The following DDAH1 variants were observed in gnomAD, a reference collection of about 807,000 sequenced individuals.
The protein encoded by DDAH1 is dimethylarginine dimethylaminohydrolase 1.
In DDAH1, 19 loss-of-function variants were observed where a neutral mutation model predicts 28.8. The observed-to-expected ratio is 0.66, with a 90% CI of 0.46 to 0.97. The LOEUF (loss-of-function observed/expected upper bound fraction) is 0.97, where lower values mean the gene tolerates loss of function less well. Among genes scored for constraint, DDAH1 ranks in the 50% least tolerant of loss-of-function variants. The pLI, the probability that DDAH1 is intolerant of heterozygous loss-of-function variation, is 0.00. For synonymous variants in DDAH1, 153 were observed against 154.4 expected (o/e 0.99, Z 0.07); for missense variants, 326 against 375.9 (o/e 0.87, Z 1.10).
intron 1 of DDAH1, among the ~76,000 whole-genome samples, chr1:85,554,276 G>GGT (rs1553148474): frequency 1.8e-5 from 2 of 110,726 alleles, no homozygotes; most frequent in Non-Finnish European, 3.5e-5. Context: ...AATTGTAAGA[G>GGT]TTTTTTTTTT....
rs543046031 is a variant in DDAH1, at chr1:85,319,994, T to A, written c.*1458A>T. ...AGATTTGAAGTGATACTTCTTAATC[T>A]CTTTGATTCTTAATCTTAAACAACA... On this transcript the variant is annotated 3_prime_UTR_variant, in exon 6 of 6. Coordinates refer to ENST00000284031, the MANE Select transcript of DDAH1 (RefSeq NM_012137.4). 2 of 152,216 alleles carry A rather than the reference T, an allele frequency of 1.3e-5. No homozygotes were observed. The highest frequency in any genetic ancestry group is 1.3e-4 in the Admixed American group (2 of 15,288). 9.4% of individuals were successfully genotyped at this position (152,216 alleles called of 1,614,324 possible). A position where few individuals can be genotyped will look rare whatever the true frequency, so the allele number is the denominator to read the frequency against.
chr1:85,386,942 T>C (rs540640869), intron 1 of DDAH1, among the ~76,000 whole-genome samples: 1 of 152,144 alleles, frequency 6.6e-6, no homozygotes, highest in Non-Finnish European at 1.5e-5. Context: ...AGACAGACAA[T>C]TGGAGAAATA....
intron 1 of DDAH1, among the ~76,000 whole-genome samples, chr1:85,459,134 G>A (rs1408034492): frequency 6.6e-6 from 1 of 152,192 alleles, no homozygotes; most frequent in Non-Finnish European, 1.5e-5. Flanking sequence ...AGATTTTTCT[G>A]TTTTTGTGGT....
intron 1 of DDAH1, among the ~76,000 whole-genome samples, chr1:85,566,029 C>T (rs1424737031): frequency 2.0e-5 from 3 of 150,282 alleles, no homozygotes; most frequent in African/African-American, 7.4e-5. Flanking sequence ...TGCAGTGAGT[C>T]GAGATCACAC....
At chr1:85,382,400 T>C (rs889346053) in intron 1 of DDAH1, among the ~76,000 whole-genome samples, 4 of 152,076 alleles carry the variant, frequency 2.6e-5, no homozygotes, top group Admixed American at 6.6e-5. Context: ...AGTTTAAAGG[T>C]AGCAGAGGCT....
chr1:85,424,118 A>G (rs1380329620), intron 1 of DDAH1, among the ~76,000 whole-genome samples: 1 of 152,088 alleles, frequency 6.6e-6, no homozygotes, highest in African/African-American at 2.4e-5. Context: ...CAATTTCCTA[A>G]TATTTCATTG....
chr1:85,375,332 C>T (rs575646405), intron 1 of DDAH1, among the ~76,000 whole-genome samples: 2 of 152,166 alleles, frequency 1.3e-5, no homozygotes, highest in African/African-American at 2.4e-5. Context: ...CTGGTCAACT[C>T]GAGCCCTCAT....
intron 4 of DDAH1, among the ~76,000 whole-genome samples, chr1:85,328,156 G>A (rs976376386): frequency 1.2e-4 from 19 of 152,160 alleles, no homozygotes; most frequent in Admixed American, 9.2e-4. Flanking sequence ...CCATACAGAA[G>A]GGCACTATAC....
chr1:85,508,380 G>A (rs1657100422), intron 1 of DDAH1, among the ~76,000 whole-genome samples: 2 of 152,194 alleles, frequency 1.3e-5, no homozygotes, highest in South Asian at 4.1e-4. Flanking sequence ...AACAGCTCTG[G>A]TCTGCAGCTT....
At chr1:85,354,868 T>C (rs555910313) in intron 2 of DDAH1, among the ~76,000 whole-genome samples, 1 of 151,852 alleles carries the variant, frequency 6.6e-6, no homozygotes, top group Non-Finnish European at 1.5e-5. Context: ...TGAGATAAAA[T>C]TCCAACTTGA....
chr1:85,539,121 G>T (rs1186593175), intron 1 of DDAH1, among the ~76,000 whole-genome samples: 1 of 151,846 alleles, frequency 6.6e-6, no homozygotes, highest in Non-Finnish European at 1.5e-5. Flanking sequence ...TCAGAATGAA[G>T]TTACAGATTT....
chr1:85,350,457 C>T lies in DDAH1; in HGVS notation c.555G>A (p.Leu185=). 6.2e-7 allele frequency: 1 copy of T among 1,614,080 alleles called. No homozygotes were observed. Among genetic ancestry groups the T allele is most frequent in the Non-Finnish European group, 8.5e-7 (1 of 1,179,986 alleles). ...CAGATTCACTAGACCCAATTGCGAT[C>T]AGGTTAGGCCCAGCCATGCTGCAGA... ...KSFCSMAGPN[L]IAIGSSESAQ... is the part of the protein sequence containing the mutation. Residue 185 remains leucine (L), a synonymous_variant, in exon 4 of 6, where the codon CTG becomes CTA. Coordinates refer to ENST00000284031, the MANE Select transcript of DDAH1 (RefSeq NM_012137.4).
In DDAH1 at chr1:85,450,350, G is replaced by C. The variant is rs662671; in HGVS notation, c.303+14393C>G. The stretch of plus-strand genomic sequence containing the variant: ...CTGTATCAAAAGTTTTTTTGGCCAA[G>C]TTCACCTTGCTAATAAGTGGTAGGT... On this transcript the variant is annotated intron_variant, in intron 1 of 5. Transcript: ENST00000284031. Among the ~76,000 whole-genome samples the C allele has an allele frequency of 4.5e-3, 685 of 151,004 alleles. 5 individuals are homozygous for C. Among genetic ancestry groups the C allele is most frequent in the Non-Finnish European group, 5.2e-3 (351 of 68,002 alleles).
At chr1:85,361,761 C>G (rs1386453740) in intron 1 of DDAH1, among the ~76,000 whole-genome samples, 1 of 152,182 alleles carries the variant, frequency 6.6e-6, no homozygotes, top group Non-Finnish European at 1.5e-5. Context: ...TCTCTGGTCA[C>G]AGCTGCTGCA....
At chr1:85,561,415 G>A (rs1024325209) in intron 1 of DDAH1, among the ~76,000 whole-genome samples, 2 of 152,032 alleles carry the variant, frequency 1.3e-5, no homozygotes, top group South Asian at 4.1e-4. Context: ...GAACTATTAG[G>A]TTGGTGCAAA....
At chr1:85,423,817 G>A (rs12029684) in intron 1 of DDAH1, among the ~76,000 whole-genome samples, 2,637 of 152,208 alleles carry the variant, frequency 0.017, 75 homozygotes, top group East Asian at 0.12. Flanking sequence ...AGGACTTTCT[G>A]TAGTTTTGAA....
chr1:85,522,024 T>A (rs1467134524), intron 1 of DDAH1, among the ~76,000 whole-genome samples: 1 of 55,034 alleles, frequency 1.8e-5, no homozygotes, highest in Non-Finnish European at 3.6e-5. Flanking sequence ...AGAGCAACAA[T>A]TTTTTCCCAT....
chr1:85,495,109 G>A (rs1570607815), intron 2 of DDAH1: 1 of 151,692 alleles, frequency 6.6e-6, no homozygotes, highest in Non-Finnish European at 1.5e-5. Flanking sequence ...TTCTGAACGT[G>A]TTAAGGCAAA....
At chr1:85,405,653 T>C (rs1298567059) in intron 1 of DDAH1, among the ~76,000 whole-genome samples, 1 of 152,126 alleles carries the variant, frequency 6.6e-6, no homozygotes, top group Non-Finnish European at 1.5e-5. Context: ...AGCCCTACTT[T>C]ATAGCAGTGA....
Sources: gnomAD v4.1 joint callset for allele counts (sites outside exome capture counted in the v4.1 genomes callset) on GRCh38, gnomAD v4.1.1 for gene constraint, MANE v1.5 for transcripts, NCBI Gene and HGNC (gene_info 2026-07-23, HGNC 2026-07-21) for gene names.